Variants in CFAP54 observed in about 807,000 individuals in gnomAD.
CFAP54 encodes the protein cilia- and flagella-associated protein 54.
A neutral mutation model predicts 370.4 loss-of-function variants in CFAP54; 290 were observed. That is an observed-to-expected ratio of 0.78 (90% CI 0.71 to 0.86). The LOEUF (loss-of-function observed/expected upper bound fraction) is 0.86, where lower values mean the gene tolerates loss of function less well. Ranked by LOEUF, CFAP54 falls within the 40% of genes least tolerant of loss-of-function variation. The pLI, the probability that CFAP54 is intolerant of heterozygous loss-of-function variation, is 0.00. For synonymous variants in CFAP54, 1,206 were observed against 1,236.5 expected, an observed-to-expected ratio of 0.98 and a Z score of 0.52; for missense variants, 3,399 against 3,528.7, an observed-to-expected ratio of 0.96 and a Z score of 0.93.
intron 1 of CFAP54, among the ~76,000 whole-genome samples, chr12:96,491,694 C>G (rs1265736672): frequency 6.6e-6 from 1 of 152,210 alleles, no homozygotes; most frequent in Non-Finnish European, 1.5e-5. Context: ...ATTCTGCTGA[C>G]TGGCCAAGTA....
Position 96,691,279 on chromosome 12 carries a change from G to A in CFAP54, c.6233G>A (p.Arg2078His), listed in dbSNP as rs781045058. The part of the protein sequence containing the change: ...SVIASLYYII[R>H]ELHFVRQNLI... ...ATTGCAAGTCTGTATTACATTATAC[G>A]TGAACTGCACTTTGTTAGGCAAAAC... Residue 2078 changes from arginine to histidine, a missense_variant, in exon 44 of 68, where the codon CGT becomes CAT. Arg to His is a conservative substitution (Grantham distance 29). This residue lies in a region of CFAP54 where 2,796 missense variants were observed against 2,869.7 expected (regional missense o/e 0.97). Transcript: ENST00000524981. 3.4e-5 allele frequency: 54 copies of A among 1,600,462 alleles called. No individual in the cohort carries two copies. Among genetic ancestry groups the A allele is most frequent in the Non-Finnish European group, 3.9e-5 (46 of 1,175,876 alleles).
In CFAP54 at chr12:96,531,479, T is replaced by G. The variant is rs539040195; in HGVS notation, c.1358-2313T>G. Among the ~76,000 whole-genome samples, 12 of 148,912 alleles carry G rather than the reference T, an allele frequency of 8.1e-5. No individual in the cohort carries two copies. In the South Asian group the frequency reaches 2.5e-3, roughly 31 times the overall value. ...TACTTTTAAATTTCTTTCCTTATAT[T>G]CATTATTTAAAAAAAAAATCCTTCA... On this transcript the variant is annotated intron_variant, in intron 9 of 67. Coordinates refer to ENST00000524981, the MANE Select transcript of CFAP54 (RefSeq NM_001306084.2).
chr12:96,766,531 C>T (rs1317485808), intron 60 of CFAP54, among the ~76,000 whole-genome samples: 2 of 152,126 alleles, frequency 1.3e-5, no homozygotes, highest in African/African-American at 2.4e-5. Context: ...AAGCATCTCT[C>T]TTAGAAGCAC....
intron 39 of CFAP54, among the ~76,000 whole-genome samples, chr12:96,667,324 C>T (rs1592698327): frequency 6.6e-6 from 1 of 152,206 alleles, no homozygotes; most frequent in East Asian, 1.9e-4. Context: ...GCTCCAACCC[C>T]ACATTTCCCT....
At chr12:96,760,701 A>G (rs1447981572) in intron 58 of CFAP54, among the ~76,000 whole-genome samples, 1 of 152,156 alleles carries the variant, frequency 6.6e-6, no homozygotes, top group East Asian at 1.9e-4. Context: ...CCCAGCTAAT[A>G]GAATAATAGA....
chr12:96,497,420 T>C (rs970336834), intron 1 of CFAP54, among the ~76,000 whole-genome samples: 2 of 152,168 alleles, frequency 1.3e-5, no homozygotes, highest in Non-Finnish European at 2.9e-5. Context: ...TAGTGTGACA[T>C]TGGTGAAAGA....
intron 32 of CFAP54, among the ~76,000 whole-genome samples, chr12:96,637,048 C>T (rs1487913071): frequency 3.9e-5 from 6 of 152,166 alleles, no homozygotes; most frequent in African/African-American, 7.2e-5. Context: ...ATCACTCCCT[C>T]ACATCCAACT....
At chr12:96,558,844 T>G (rs1175969341) in intron 17 of CFAP54, among the ~76,000 whole-genome samples, 1 of 152,114 alleles carries the variant, frequency 6.6e-6, no homozygotes, top group Admixed American at 6.6e-5. Flanking sequence ...CAATACCCCT[T>G]AAGAACAGGC....
At chr12:96,539,063 G>GGTTTTTTTT (rs1955540232) in intron 13 of CFAP54, among the ~76,000 whole-genome samples, 1 of 102,324 alleles carries the variant, frequency 9.8e-6, no homozygotes, top group African/African-American at 3.6e-5. Context: ...GGCCTTTTCA[G>GGTTTTTTTT]GTTTTTTTTT....
chr12:96,862,445 G>T (rs924594088), intron 67 of CFAP54, among the ~76,000 whole-genome samples: 4 of 152,092 alleles, frequency 2.6e-5, no homozygotes, highest in African/African-American at 9.7e-5. Context: ...GTAGATAATA[G>T]GGTGCCATTA....
Position 96,693,806 on chromosome 12 carries a change from A to C in CFAP54, c.6349A>C (p.Lys2117Gln), listed in dbSNP as rs1957413316. ...AAGAAATCTAGAAGCAAGAATCCTC[A>C]AGGTATGTTACAAGCTTTTAAGACA... The part of the protein sequence containing the change: ...ITRNLEARIL[K>Q]IEVLIDLRFF... Residue 2117 changes from lysine to glutamine, a missense_variant and splice_region_variant, in exon 45 of 68, where the codon AAG (lysine) becomes CAG (glutamine). Coordinates refer to ENST00000524981, the MANE Select transcript of CFAP54 (RefSeq NM_001306084.2). 1.3e-6 allele frequency: 2 copies of C among 1,554,042 alleles called. No homozygotes were observed. The highest frequency in any genetic ancestry group is 8.9e-7 in the Non-Finnish European group (1 of 1,129,676).
intron 19 of CFAP54, among the ~76,000 whole-genome samples, chr12:96,567,533 T>A (rs1565898976): frequency 6.6e-6 from 1 of 152,154 alleles, no homozygotes; most frequent in Non-Finnish European, 1.5e-5. Flanking sequence ...TTCGGGGTTG[T>A]GTTCAGATCC....
At chr12:96,854,300 ATTTT>A (rs909934470) in intron 66 of CFAP54, among the ~76,000 whole-genome samples, 7 of 152,266 alleles carry the variant, frequency 4.6e-5, no homozygotes, top group African/African-American at 1.7e-4. Context: ...TGTTTCTTGT[ATTTT>A]TCTGAATAAA....
Position 96,718,490 on chromosome 12 carries a change from C to T in CFAP54, c.6772C>T (p.Leu2258Phe). 6.3e-7 allele frequency: 1 copy of T among 1,576,062 alleles called. No homozygotes were observed. The highest frequency in any genetic ancestry group is 8.7e-7 in the Non-Finnish European group (1 of 1,146,604). The change falls in exon 49 of 68, where the codon CTT becomes TTT. Residue 2258 changes from leucine (L) to phenylalanine (F), a missense_variant. Physicochemically the swap from Leu to Phe is conservative, Grantham distance 22 (BLOSUM62 0). Transcript: ENST00000524981. ...DGSSFYNLTK[L>F]KDEITLSMLK... ...AAGTTCATTTTATAATCTTACAAAA[C>T]TTAAAGATGAGATCACTCTTAGCAT... is the stretch of plus-strand genomic sequence containing the variant.
intron 63 of CFAP54, among the ~76,000 whole-genome samples, chr12:96,809,813 CT>C (rs1958913905): frequency 2.0e-5 from 3 of 152,146 alleles, no homozygotes; most frequent in African/African-American, 7.2e-5. Context: ...GGTCTTTTCT[CT>C]TTGACATATC....
chr12:96,826,896 TA>T (rs1959119881), intron 65 of CFAP54, among the ~76,000 whole-genome samples: 1 of 125,898 alleles, frequency 7.9e-6, no homozygotes, highest in South Asian at 2.3e-4. Context: ...TATTATATGA[TA>T]TATTATATAT....
intron 63 of CFAP54, among the ~76,000 whole-genome samples, chr12:96,795,340 G>A (rs1320004220): frequency 6.6e-6 from 1 of 152,174 alleles, no homozygotes; most frequent in Non-Finnish European, 1.5e-5. Flanking sequence ...AGGACATAGA[G>A]CTCTGAAGAG....
intron 64 of CFAP54, 38 bp from the exon 65 acceptor site, chr12:96,817,737 C>T: frequency 7.4e-7 from 1 of 1,342,798 alleles, no homozygotes; most frequent in Non-Finnish European, 9.8e-7. Context: ...CCTTTCTTAA[C>T]TCTTCAAATA....
At chr12:96,865,113 C>T (rs114737092) in intron 67 of CFAP54, among the ~76,000 whole-genome samples, 2 of 152,086 alleles carry the variant, frequency 1.3e-5, no homozygotes, top group African/African-American at 2.4e-5. Context: ...TGAGCTCCCA[C>T]CCATTTGCCC....
Sources: allele counts gnomAD v4.1 joint callset (sites outside exome capture counted in the v4.1 genomes callset), GRCh38; gene constraint gnomAD v4.1.1; regional missense constraint gnomAD v4.1.1; transcripts MANE v1.5; gene names NCBI Gene and HGNC (gene_info 2026-07-23, HGNC 2026-07-21).